The following PCDH17 variants were observed in gnomAD, a reference collection of about 807,000 sequenced individuals.
PCDH17 encodes protocadherin-17.
In PCDH17, 21 loss-of-function variants were observed where a neutral mutation model predicts 67.7. That is an observed-to-expected ratio of 0.31 (90% confidence interval 0.22 to 0.45). The LOEUF (loss-of-function observed/expected upper bound fraction) is 0.45. Among genes scored for constraint, PCDH17 ranks in the 20% least tolerant of loss-of-function variants. PCDH17 has a pLI of 1.00. For synonymous variants in PCDH17, 701 were observed against 656.7 expected (o/e 1.07, Z -1.03); for missense variants, 1,471 against 1,564.8 (o/e 0.94, Z 1.01).
At chr13:57,681,036 C>T (rs768346373) in intron 3 of PCDH17, among the ~76,000 whole-genome samples, 2 of 151,654 alleles carry the variant, frequency 1.3e-5, no homozygotes, top group African/African-American at 2.4e-5. Flanking sequence ...CAAGCATTGT[C>T]GCAAGCAAGT....
chr13:57,693,464 G>A (rs187192531), intron 3 of PCDH17, among the ~76,000 whole-genome samples: 3 of 148,946 alleles, frequency 2.0e-5, no homozygotes, highest in Admixed American at 6.7e-5. Context: ...TAACTTAGAG[G>A]AATTGCAGAT....
Position 57,666,713 on chromosome 13 carries a change from G to A in PCDH17, c.2677G>A (p.Gly893Arg). The stretch of plus-strand genomic sequence containing the variant: ...AGCCAGCCTGAGAGACAGTGGGCAC[G>A]GGGACAGTGATCAGGCTGACAGTGA... ...ERASLRDSGH[G>R]DSDQADSDQD... The change falls in exon 3 of 4, where the codon GGG becomes AGG. Residue 893 changes from glycine (G) to arginine (R), a missense_variant. By Grantham distance (125) the Gly-to-Arg change is moderately radical. Coordinates refer to ENST00000377918, the MANE Select transcript of PCDH17 (RefSeq NM_001040429.3). 6.2e-7 allele frequency: 1 copy of A among 1,613,748 alleles called. No homozygotes were observed. The highest frequency in any genetic ancestry group is 8.5e-7 in the Non-Finnish European group (1 of 1,179,770).
chr13:57,635,360 T>C (rs1384494468), intron 1 of PCDH17, among the ~76,000 whole-genome samples: 1 of 152,216 alleles, frequency 6.6e-6, no homozygotes, highest in Non-Finnish European at 1.5e-5. Context: ...TTTTTATAGG[T>C]TTAAAAATGT....
intron 3 of PCDH17, among the ~76,000 whole-genome samples, chr13:57,684,504 A>G (rs967683838): frequency 2.6e-5 from 4 of 151,876 alleles, no homozygotes; most frequent in African/African-American, 9.7e-5. Flanking sequence ...CTTGTCCTTA[A>G]AATTCCAAAA....
chr13:57,717,324 A>C (rs1955826860), intron 3 of PCDH17, among the ~76,000 whole-genome samples: 1 of 151,978 alleles, frequency 6.6e-6, no homozygotes, highest in African/African-American at 2.4e-5. Flanking sequence ...TTGTAGTCCT[A>C]GCACTTCCAT....
intron 3 of PCDH17, among the ~76,000 whole-genome samples, chr13:57,717,547 A>G (rs555607274): frequency 6.6e-6 from 1 of 152,106 alleles, no homozygotes; most frequent in East Asian, 1.9e-4. Context: ...CAAATGCTCC[A>G]AACAGCTCCA....
intron 3 of PCDH17, among the ~76,000 whole-genome samples, chr13:57,688,738 T>G (rs748213373): frequency 2.6e-5 from 4 of 152,062 alleles, no homozygotes; most frequent in Non-Finnish European, 5.9e-5. Context: ...CAGTATTGAC[T>G]CAGTAATAAT....
intron 3 of PCDH17, among the ~76,000 whole-genome samples, chr13:57,722,973 G>C (rs991271575): frequency 6.6e-6 from 1 of 151,926 alleles, no homozygotes; most frequent in East Asian, 1.9e-4. Flanking sequence ...ATAAATAGAG[G>C]CTTCTGAAAA....
At chr13:57,708,846 T>C (rs938248011) in intron 3 of PCDH17, among the ~76,000 whole-genome samples, 1 of 151,918 alleles carries the variant, frequency 6.6e-6, no homozygotes, top group Non-Finnish European at 1.5e-5. Context: ...GGCAAGACTT[T>C]CAGGCAGCAA....
At chr13:57,665,810 AT>A (rs1010988978) in intron 1 of PCDH17, among the ~76,000 whole-genome samples, 6 of 152,044 alleles carry the variant, frequency 3.9e-5, no homozygotes, top group Non-Finnish European at 7.4e-5. Flanking sequence ...TTTAAGTAAC[AT>A]TTTTTTCTCT....
At chr13:57,650,265 A>G (rs1363538309) in intron 1 of PCDH17, among the ~76,000 whole-genome samples, 1 of 88,060 alleles carries the variant, frequency 1.1e-5, no homozygotes, top group South Asian at 4.3e-4. Context: ...TGTGTGTAAT[A>G]ACAGATACTC....
rs1954748754 is a variant in PCDH17 at position 57,632,929 on chromosome 13, A to G, written c.383A>G (p.Asn128Ser). 1.2e-6 allele frequency: 2 copies of G among 1,613,840 alleles called. No individual in the cohort carries two copies. Among genetic ancestry groups the G allele is most frequent in the East Asian group, 4.5e-5 (2 of 44,826 alleles). ...IKVEIQDIND[N>S]APSFSSDQIE... ...GTAGAGATCCAGGACATCAACGACA[A>G]CGCGCCCTCCTTCTCCTCGGACCAG... The change falls in exon 1 of 4, where the codon AAC becomes AGC. Residue 128 changes from asparagine (N) to serine (S), a missense_variant. This residue lies in a region of PCDH17 where 1,163 missense variants were observed against 1,230.0 expected (regional missense o/e 0.95). Coordinates refer to ENST00000377918, the MANE Select transcript of PCDH17 (RefSeq NM_001040429.3).
intron 1 of PCDH17, among the ~76,000 whole-genome samples, chr13:57,646,148 T>A (rs950323559): frequency 6.6e-6 from 1 of 151,620 alleles, no homozygotes; most frequent in Non-Finnish European, 1.5e-5. Flanking sequence ...TTGGAAATTA[T>A]CAAGTGTATG....
intron 3 of PCDH17, among the ~76,000 whole-genome samples, chr13:57,677,634 G>A (rs1443553172): frequency 1.3e-5 from 2 of 151,846 alleles, no homozygotes; most frequent in South Asian, 4.1e-4. Flanking sequence ...CACAGTGGCC[G>A]AAGCTACGCA....
intron 3 of PCDH17, among the ~76,000 whole-genome samples, chr13:57,669,896 G>T (rs923101605): frequency 6.6e-6 from 1 of 151,906 alleles, no homozygotes; most frequent in South Asian, 2.1e-4. Context: ...GCAAACCAAG[G>T]GGGAGAAGAT....
intron 3 of PCDH17, among the ~76,000 whole-genome samples, chr13:57,677,101 A>AT (rs1251783378): frequency 1.3e-5 from 2 of 151,890 alleles, no homozygotes; most frequent in Non-Finnish European, 2.9e-5. Flanking sequence ...CATTTCTGGC[A>AT]TGTGACAGAT....
intron 1 of PCDH17, among the ~76,000 whole-genome samples, chr13:57,641,573 AAAAAAAAAAAAAAAATATATAT>A (rs1251430620): frequency 1.8e-4 from 11 of 59,976 alleles, no homozygotes; most frequent in African/African-American, 4.3e-4. Flanking sequence ...AAAAAAAAAA[AAAAAAAAAAAAAAAATATATAT>A]ATATATATAT....
At chr13:57,724,353 G>A (rs1160644301) in intron 3 of PCDH17, among the ~76,000 whole-genome samples, 1 of 152,172 alleles carries the variant, frequency 6.6e-6, no homozygotes, top group Non-Finnish European at 1.5e-5. Context: ...TACTGAGAAT[G>A]ATTCTCCAAT....
chr13:57,641,819 C>T (rs1412460532), intron 1 of PCDH17, among the ~76,000 whole-genome samples: 1 of 150,614 alleles, frequency 6.6e-6, no homozygotes, highest in Non-Finnish European at 1.5e-5. Context: ...GGCAGTTAAA[C>T]AGCATAATTA....
Sources: allele counts gnomAD v4.1 joint callset (sites outside exome capture counted in the v4.1 genomes callset), GRCh38; gene constraint gnomAD v4.1.1; regional missense constraint gnomAD v4.1.1; transcripts MANE v1.5; gene names NCBI Gene and HGNC (gene_info 2026-07-23, HGNC 2026-07-21).